The following STK32B variants were observed in gnomAD, a reference collection of about 807,000 sequenced individuals.
The protein encoded by STK32B is serine/threonine-protein kinase 32B.
STK32B carries 43 observed loss-of-function variants against 52.6 expected under a neutral mutation model. The observed-to-expected ratio is 0.82, with a 90% CI of 0.64 to 1.05. The LOEUF (loss-of-function observed/expected upper bound fraction) is 1.05. Among genes scored for constraint, STK32B ranks in the 50% least tolerant of loss-of-function variants. The pLI is 0.00. For synonymous variants in STK32B, 238 were observed against 204.3 expected (o/e 1.17, Z -1.41); for missense variants, 621 against 534.6 (o/e 1.16, Z -1.59).
chr4:5,245,858 C>T (rs1247664458), intron 3 of STK32B, among the ~76,000 whole-genome samples: 3 of 152,114 alleles, frequency 2.0e-5, no homozygotes, highest in Non-Finnish European at 4.4e-5. Flanking sequence ...ATATGAAATT[C>T]TGGGTTGAAA....
rs563766332 is a variant in STK32B, at chr4:5,356,029, G to A, written c.434+24636G>A. 1.8e-4 allele frequency among the ~76,000 whole-genome samples: 27 copies of A among 152,260 alleles called. 1 individual carries two copies. In the South Asian group the frequency reaches 5.6e-3, roughly 32 times the overall value. On this transcript the variant is annotated intron_variant, in intron 4 of 11. Coordinates refer to ENST00000282908, the MANE Select transcript of STK32B (RefSeq NM_018401.3). ...ATGCCACTGAGAGAGGCAGGCACTG[G>A]GATTGGCTGGTTCCATGTCAAGCAC... is the stretch of plus-strand genomic sequence containing the variant.
chr4:5,496,925 AAG>A (rs1332304374), intron 11 of STK32B, among the ~76,000 whole-genome samples: 1 of 152,194 alleles, frequency 6.6e-6, no homozygotes, highest in Non-Finnish European at 1.5e-5. Flanking sequence ...GTTTTGAACA[AAG>A]AGGGTTTAGC....
intron 3 of STK32B, among the ~76,000 whole-genome samples, chr4:5,253,520 G>T (rs1182909604): frequency 2.0e-5 from 3 of 152,088 alleles, no homozygotes; most frequent in African/African-American, 7.2e-5. Flanking sequence ...GATTACAGGT[G>T]CGTGCCACTA....
chr4:5,473,225 C>A (rs1717977699), intron 11 of STK32B, among the ~76,000 whole-genome samples: 1 of 152,206 alleles, frequency 6.6e-6, no homozygotes, highest in Non-Finnish European at 1.5e-5. Flanking sequence ...TCCCTGGGGT[C>A]AGGTACAGGG....
rs1447149657 is a variant in STK32B, at chr4:5,470,262, C to A, written c.1106+2192C>A. 2.6e-5 allele frequency among the ~76,000 whole-genome samples: 4 copies of A among 152,272 alleles called. No homozygotes were observed. Among genetic ancestry groups the A allele is most frequent in the African/African-American group, 9.6e-5 (4 of 41,554 alleles). On this transcript the variant is annotated intron_variant, in intron 11 of 11. Transcript: ENST00000282908. The surrounding 1 kb of genome is among the most constrained non-coding windows in gnomAD (Gnocchi z 4.6). ...TAAATGGGAATTGATGAGGGAAATGCAGTTGGCCTGTGGACACCCCTGAGA... is the reference window on the plus strand; with the variant it reads ...TAAATGGGAATTGATGAGGGAAATGAAGTTGGCCTGTGGACACCCCTGAGA...
intron 6 of STK32B, among the ~76,000 whole-genome samples, chr4:5,429,958 C>T (rs1427763421): frequency 7.8e-6 from 1 of 128,544 alleles, no homozygotes; most frequent in Non-Finnish European, 1.7e-5. Context: ...AATTCCTATC[C>T]CTGTTCCTCT....
intron 3 of STK32B, among the ~76,000 whole-genome samples, chr4:5,304,970 G>T (rs1165208892): frequency 6.6e-6 from 1 of 151,914 alleles, no homozygotes; most frequent in Non-Finnish European, 1.5e-5. Flanking sequence ...TTTTAATTCT[G>T]TTCATGTAGT....
At chr4:5,089,354 A>C (rs1460404844) in intron 1 of STK32B, among the ~76,000 whole-genome samples, 1 of 151,914 alleles carries the variant, frequency 6.6e-6, no homozygotes, top group African/African-American at 2.4e-5. Context: ...ATCCCACAAC[A>C]GGCCCTGGTG....
At chr4:5,188,723 C>G (rs1287951596) in intron 3 of STK32B, among the ~76,000 whole-genome samples, 1 of 151,976 alleles carries the variant, frequency 6.6e-6, no homozygotes, top group African/African-American at 2.4e-5. Context: ...CCCTTTCTCC[C>G]CCTACACACA....
At chr4:5,039,279 A>G in the STK32B span, among the ~76,000 whole-genome samples, 1 of 152,166 alleles carries the variant, frequency 6.6e-6, no homozygotes, top group African/African-American at 2.4e-5. Flanking sequence ...GATTACAGGC[A>G]CGAGGCACCA....
At chr4:5,150,856 T>C (rs1197906781) in intron 2 of STK32B, among the ~76,000 whole-genome samples, 1 of 152,184 alleles carries the variant, frequency 6.6e-6, no homozygotes, top group African/African-American at 2.4e-5. Flanking sequence ...TTTAGAGTAG[T>C]GTCTCATCTT....
At chr4:5,041,596 T>C in the STK32B span, among the ~76,000 whole-genome samples, 16 of 152,120 alleles carry the variant, frequency 1.1e-4, no homozygotes, top group Middle Eastern at 3.4e-3. Flanking sequence ...CACTCTACAT[T>C]AGTAGCAATT....
chr4:5,407,950 C>A (rs1182464907), intron 5 of STK32B, among the ~76,000 whole-genome samples: 1 of 152,004 alleles, frequency 6.6e-6, no homozygotes. Flanking sequence ...TAAAGGGACC[C>A]CAGAAAGTTC....
intron 1 of STK32B, among the ~76,000 whole-genome samples, chr4:5,123,700 A>C (rs1418284708): frequency 6.6e-6 from 1 of 152,080 alleles, no homozygotes; most frequent in African/African-American, 2.4e-5. Flanking sequence ...ATATTGGATT[A>C]GGGCCCCACC....
At chr4:5,054,961 G>T (rs563354284) in intron 1 of STK32B, among the ~76,000 whole-genome samples, 1 of 152,296 alleles carries the variant, frequency 6.6e-6, no homozygotes, top group Admixed American at 6.5e-5. Context: ...AATAGGCAGA[G>T]TTGCTTTTTT....
chr4:5,375,920 G>T (rs1735559031), intron 4 of STK32B, among the ~76,000 whole-genome samples: 1 of 152,138 alleles, frequency 6.6e-6, no homozygotes, highest in Admixed American at 6.5e-5. Context: ...ACCACTCACA[G>T]TTCAGACCTT....
chr4:5,118,238 G>A (rs535882773), intron 1 of STK32B, among the ~76,000 whole-genome samples: 66 of 152,216 alleles, frequency 4.3e-4, no homozygotes, highest in African/African-American at 1.4e-3. Context: ...CTGTCTTCTT[G>A]TTATTGGTCT....
In STK32B at chr4:5,466,831, G is replaced by A. The variant is rs757973732; in HGVS notation, c.1038G>A (p.Pro346=). 9.9e-6 allele frequency: 16 copies of A among 1,612,514 alleles called. No homozygotes were observed. Among genetic ancestry groups the A allele is most frequent in the African/African-American group, 1.3e-5 (1 of 74,860 alleles). The part of the protein sequence containing the change: ...RSRDGTKDSC[P]LNGHLQHCLE... ...GGGATGGCACAAAGGACAGCTGCCC[G>A]CTGGTGAGTGCTTCGTGGGAGCCGT... Residue 346 remains proline (P), a synonymous_variant, in exon 10 of 12, where the codon CCG becomes CCA. Coordinates refer to ENST00000282908, the MANE Select transcript of STK32B (RefSeq NM_018401.3).
At chr4:5,426,017 A>G (rs1343852036) in intron 6 of STK32B, among the ~76,000 whole-genome samples, 1 of 152,158 alleles carries the variant, frequency 6.6e-6, no homozygotes, top group Middle Eastern at 3.2e-3. Context: ...GGGGCACCTG[A>G]GTTGTTTACA....
Sources: allele counts gnomAD v4.1 joint callset (sites outside exome capture counted in the v4.1 genomes callset), GRCh38; gene constraint gnomAD v4.1.1; non-coding constraint Gnocchi (gnomAD v3.1); transcripts MANE v1.5; gene names NCBI Gene and HGNC (gene_info 2026-07-23, HGNC 2026-07-21).